The following SERF2 variants were observed in gnomAD, a reference collection of about 807,000 sequenced individuals.
The protein encoded by SERF2 is small EDRK-rich factor 2.
A neutral mutation model predicts 10.7 loss-of-function variants in SERF2; 4 were observed. The ratio of observed to expected loss-of-function variants is 0.37; its 90% confidence interval spans 0.18 to 0.86. The LOEUF (loss-of-function observed/expected upper bound fraction) is 0.86, where lower values mean the gene tolerates loss of function less well. Ranked by LOEUF, SERF2 falls within the 40% of genes least tolerant of loss-of-function variation. The pLI is 0.43. For missense variants in SERF2, 47 were observed against 79.1 expected, an observed-to-expected ratio of 0.59 and a Z score of 1.54; for synonymous variants, 26 against 26.0, an observed-to-expected ratio of 1.00 and a Z score of 0.01.
At chr15:43,784,474 G>A (rs1035059309) in intron 1 of SERF2, among the ~76,000 whole-genome samples, 9 of 151,790 alleles carry the variant, frequency 5.9e-5, no homozygotes, top group South Asian at 4.2e-4. Flanking sequence ...TAATTAATTC[G>A]TTTGTTTGTT....
chr15:43,795,805 C>T lies in SERF2; in HGVS notation c.*2032C>T, dbSNP rs2087201817. 3.9e-6 allele frequency: 6 copies of T among 1,529,040 alleles called. No individual in the cohort carries two copies. Among genetic ancestry groups the T allele is most frequent in the Non-Finnish European group, 5.4e-6 (6 of 1,119,470 alleles). The allele number at this position is 1,529,040 out of a possible 1,614,324, so 94.7% of individuals were successfully genotyped here. A position where few individuals can be genotyped will look rare whatever the true frequency, so the allele number is the denominator to read the frequency against. On this transcript the variant is annotated 3_prime_UTR_variant, in exon 3 of 3. Transcript: ENST00000249786. ...GAGGGTGTTAATCTAGGAAACTTCC[C>T]CCGTGAAAAGATTGGTCTAGTATTA...
At chr15:43,786,212 G>A (rs2087005473) in intron 2 of SERF2, among the ~76,000 whole-genome samples, 1 of 151,246 alleles carries the variant, frequency 6.6e-6, no homozygotes, top group Admixed American at 6.6e-5. Context: ...TCAGGAGGTC[G>A]AGACCATCCT....
upstream of SERF2, among the ~76,000 whole-genome samples, chr15:43,788,641 T>G (rs1372362586): frequency 6.6e-6 from 1 of 152,212 alleles, no homozygotes; most frequent in Non-Finnish European, 1.5e-5. Flanking sequence ...CTCATTTCTA[T>G]TCATCTGCTG....
intron 1 of SERF2, 44 bp from the exon 2 acceptor site, chr15:43,792,931 G>A: frequency 7.1e-7 from 1 of 1,403,576 alleles, no homozygotes; most frequent in Non-Finnish European, 9.9e-7. Flanking sequence ...CCGGTGTGTG[G>A]GCAGAGCGGC....
At chr15:43,790,859 G>A (rs1019276565), upstream of SERF2, among the ~76,000 whole-genome samples, 7 of 151,466 alleles carry the variant, frequency 4.6e-5, no homozygotes, top group African/African-American at 1.5e-4. Flanking sequence ...CTGCTCCTGG[G>A]TTCACACGGT....
Position 43,793,396 on chromosome 15 carries a change from T to C in SERF2, c.116+313T>C, listed in dbSNP as rs917932950. 5 of 627,166 alleles carry C rather than the reference T, an allele frequency of 8.0e-6. No homozygotes were observed. In the African/African-American group the frequency reaches 9.2e-5, roughly 12 times the overall value. 38.9% of individuals were successfully genotyped at this position (627,166 alleles called of 1,614,324 possible). A position where few individuals can be genotyped will look rare whatever the true frequency, so the allele number is the denominator to read the frequency against. On this transcript the variant is annotated intron_variant, in intron 2 of 2. Transcript: ENST00000249786. ...TACGGCAGCCCAGTACTTTTGGCCCTCCTTGCTGTTCGGTTCTCCTCCCTT... is the reference window on the plus strand; with the variant it reads ...TACGGCAGCCCAGTACTTTTGGCCCCCCTTGCTGTTCGGTTCTCCTCCCTT...
In SERF2 at chr15:43,792,967, T is replaced by C. The variant is rs1317282120; in HGVS notation, c.8-8T>C. The C allele has an allele frequency of 1.1e-5, 17 of 1,596,022 alleles. No homozygotes were observed. Among genetic ancestry groups the C allele is most frequent in the Non-Finnish European group, 1.5e-5 (17 of 1,168,362 alleles). ...CCCCGCGTCTCACCTTTAATTTTCT[T>C]TCCTTAGGCGGTAACCAGCGTGAGC... On this transcript the variant is annotated splice_region_variant and splice_polypyrimidine_tract_variant and intron_variant, in intron 1 of 2. Transcript: ENST00000249786.
In SERF2 at chr15:43,793,770, G is replaced by A; in HGVS notation, c.177G>A (p.Lys59=). 8.1e-6 allele frequency: 13 copies of A among 1,614,228 alleles called. No homozygotes were observed. The highest frequency in any genetic ancestry group is 5.5e-5 in the South Asian group (5 of 91,086). Residue 59 remains lysine (K), a synonymous_variant, in exon 3 of 3, where the codon AAG becomes AAA. Transcript: ENST00000249786. The part of the protein sequence containing the change: ...KKANEKKEEP[K] ...CAAACGAGAAGAAGGAGGAACCCAA[G>A]TAGCTTTGTGGCTTCGTGTCCAACC...
intron 2 of SERF2, among the ~76,000 whole-genome samples, chr15:43,786,306 T>G (rs1214006338): frequency 2.0e-5 from 3 of 151,028 alleles, no homozygotes; most frequent in Non-Finnish European, 4.4e-5. Context: ...TCCCAGCTAC[T>G]TGGGAGGCTG....
At position 43,795,069 on chromosome 15, in the gene SERF2, G is replaced by C. The variant is rs2087173185; in HGVS notation, c.*1296G>C. The stretch of plus-strand genomic sequence containing the variant: ...GGCGGCGCCTCAAGATAAGGGGCTG[G>C]GGTTTCTGGGTGGGGGGCCAACAGA... On this transcript the variant is annotated 3_prime_UTR_variant, in exon 3 of 3. Transcript: ENST00000249786. 2 of 1,613,498 alleles carry C rather than the reference G, an allele frequency of 1.2e-6. No individual in the cohort carries two copies. Among genetic ancestry groups the C allele is most frequent in the African/African-American group, 2.7e-5 (2 of 74,868 alleles).
intron 2 of SERF2, among the ~76,000 whole-genome samples, chr15:43,786,242 TGTCTCTACTAA>T (rs1567165082): frequency 6.6e-6 from 1 of 151,258 alleles, no homozygotes; most frequent in Non-Finnish European, 1.5e-5. Flanking sequence ...GGTGAAACCC[TGTCTCTACTAA>T]AAATACAAAA....
At chr15:43,785,709 T>C (rs897528313) in intron 2 of SERF2, among the ~76,000 whole-genome samples, 13 of 148,888 alleles carry the variant, frequency 8.7e-5, no homozygotes, top group Admixed American at 1.3e-4. Context: ...TTTTTCTTTT[T>C]TTTTTTTTTT....
chr15:43,777,176 A>G (rs902420917), exon 1 of SERF2: 1 of 626,908 alleles, frequency 1.6e-6, no homozygotes, highest in African/African-American at 1.8e-5. Context: ...AGCTATCCCC[A>G]GTTCTCGGGA....
At chr15:43,793,487 G>A in intron 2 of SERF2, 1 of 1,325,140 alleles carries the variant, frequency 7.5e-7, no homozygotes. Context: ...CCTTGGGCCT[G>A]TGTCACCAGA....
At chr15:43,792,019 T>G (rs1050188032), upstream of SERF2, 9 of 442,004 alleles carry the variant, frequency 2.0e-5, no homozygotes, top group Admixed American at 1.7e-4. Flanking sequence ...ATGAGGTCAC[T>G]CTGCACGGTC....
At chr15:43,791,057 C>G (rs376886486), upstream of SERF2, among the ~76,000 whole-genome samples, 39 of 150,464 alleles carry the variant, frequency 2.6e-4, 1 homozygote, top group East Asian at 1.2e-3. Context: ...CGTGAGCCAC[C>G]TTGCCCAGCC....
chr15:43,792,591 C>T (rs1042496921), intron 1 of SERF2: 2 of 1,448,546 alleles, frequency 1.4e-6, no homozygotes, highest in African/African-American at 1.4e-5. Context: ...TAGGCATAGG[C>T]CCTCCCGGAT....
upstream of SERF2, among the ~76,000 whole-genome samples, chr15:43,790,814 A>G (rs1423431033): frequency 6.9e-6 from 1 of 144,602 alleles, no homozygotes; most frequent in Admixed American, 6.9e-5. Context: ...CCCAGGCTGG[A>G]GGGCAGTGGC....
Position 43,795,791 on chromosome 15 carries a change from T to C in SERF2, c.*2018T>C. ...GTCTTAAAAGATGTGAGGGTGTTAA[T>C]CTAGGAAACTTCCCCCGTGAAAAGA... is the stretch of plus-strand genomic sequence containing the variant. On this transcript the variant is annotated 3_prime_UTR_variant, in exon 3 of 3. Transcript: ENST00000249786. The C allele has an allele frequency of 1.3e-6, 2 of 1,564,646 alleles. No individual in the cohort carries two copies. Among genetic ancestry groups the C allele is most frequent in the East Asian group, 2.3e-5 (1 of 44,424 alleles).
Sources: allele counts gnomAD v4.1 joint callset (sites outside exome capture counted in the v4.1 genomes callset), GRCh38; gene constraint gnomAD v4.1.1; transcripts MANE v1.5; gene names NCBI Gene and HGNC (gene_info 2026-07-23, HGNC 2026-07-21).